SREBF2: variants seen among roughly 807,000 people sequenced by gnomAD.
SREBF2 encodes the protein sterol regulatory element-binding protein 2.
In SREBF2, 55 loss-of-function variants were observed where a neutral mutation model predicts 113.1. The ratio of observed to expected loss-of-function variants is 0.49; its 90% CI spans 0.39 to 0.61. The LOEUF is 0.61. Among genes scored for constraint, SREBF2 ranks in the 20% least tolerant of loss-of-function variants. The probability of loss-of-function intolerance (pLI) is 0.00; values close to 1 mark genes in which losing one functional copy is unlikely to be tolerated. For missense variants in SREBF2, 1,349 were observed against 1,487.4 expected (o/e 0.91, Z 1.53); for synonymous variants, 593 against 605.7 (o/e 0.98, Z 0.31).
chr22:41,860,797 G>T (rs997498824), intron 1 of SREBF2, among the ~76,000 whole-genome samples: 1 of 151,976 alleles, frequency 6.6e-6, no homozygotes, highest in African/African-American at 2.4e-5. Context: ...GAGGTGGGAG[G>T]ATTGCTTAAG....
intron 13 of SREBF2, 58 bp downstream of exon 13, chr22:41,894,995 G>A: frequency 7.0e-7 from 1 of 1,433,718 alleles, no homozygotes; most frequent in Non-Finnish European, 9.8e-7. Flanking sequence ...GCAACTCCAG[G>A]ACAGCCTGAA....
Position 41,906,166 on chromosome 22 carries a change from T to G in SREBF2, c.*506T>G, listed in dbSNP as rs1028158828. 5.4e-6 allele frequency: 2 copies of G among 369,656 alleles called. No individual in the cohort carries two copies. The highest frequency in any genetic ancestry group is 4.2e-5 in the African/African-American group (2 of 47,118). 22.9% of individuals were successfully genotyped at this position (369,656 alleles called of 1,614,324 possible). A position where few individuals can be genotyped will look rare whatever the true frequency, so the allele number is the denominator to read the frequency against. On this transcript the variant is annotated 3_prime_UTR_variant, in exon 19 of 19. Coordinates refer to ENST00000361204, the MANE Select transcript of SREBF2 (RefSeq NM_004599.4). ...GCGAGGCTGAGTTGCTGTAGCGTCTTGATTCTCTCCCTGGGTCTGCGTTCC... is the reference window on the plus strand; with the variant it reads ...GCGAGGCTGAGTTGCTGTAGCGTCTGGATTCTCTCCCTGGGTCTGCGTTCC...
At chr22:41,837,418 C>T (rs1037375757) in intron 1 of SREBF2, among the ~76,000 whole-genome samples, 23 of 151,708 alleles carry the variant, frequency 1.5e-4, no homozygotes, top group African/African-American at 5.3e-4. Context: ...ATTAGCCGGG[C>T]ATGGTGGTAC....
chr22:41,889,308 G>T (rs1468157844), intron 11 of SREBF2, among the ~76,000 whole-genome samples: 2 of 151,930 alleles, frequency 1.3e-5, no homozygotes, highest in Non-Finnish European at 2.9e-5. Flanking sequence ...TGTATTTTTT[G>T]TAAAGTCAGG....
At chr22:41,853,819 A>G (rs1282342042) in intron 1 of SREBF2, among the ~76,000 whole-genome samples, 1 of 152,096 alleles carries the variant, frequency 6.6e-6, no homozygotes, top group African/African-American at 2.4e-5. Context: ...GTGGATCACA[A>G]GGTCAGGAGA....
At chr22:41,880,594 C>A in intron 9 of SREBF2, 122 bp from the exon 10 acceptor site, 1 of 1,308,114 alleles carries the variant, frequency 7.6e-7, no homozygotes, top group Non-Finnish European at 1.1e-6. Context: ...TGAAGTTTCC[C>A]TCGTTTTTAT....
In SREBF2 at chr22:41,877,851, CTCTT is replaced by C. The variant is rs935336570; in HGVS notation, c.1580-88_1580-85del. 8.1e-6 allele frequency: 11 copies of C among 1,356,126 alleles called. No homozygotes were observed. In the African/African-American group the frequency reaches 1.1e-4, roughly 14 times the overall value. The allele number at this position is 1,356,126 out of a possible 1,614,324, so 84.0% of individuals were successfully genotyped here. ...TTTCTTCTGAAAATGAGGTAGAAGACTCTTTCCTGTGATAGTGCTGGGGTCTGTC... is the reference window on the plus strand; with the variant it reads ...TTTCTTCTGAAAATGAGGTAGAAGACTCCTGTGATAGTGCTGGGGTCTGTC... On this transcript the variant is annotated intron_variant, in intron 8 of 18. Coordinates refer to ENST00000361204, the MANE Select transcript of SREBF2 (RefSeq NM_004599.4).
intron 18 of SREBF2, 71 bp downstream of exon 18, chr22:41,905,045 C>T: frequency 1.5e-6 from 2 of 1,363,634 alleles, no homozygotes; most frequent in Non-Finnish European, 2.0e-6. Context: ...AGAAGAGGGG[C>T]CAGCCCAGCT....
chr22:41,850,695 G>A (rs2076919951), intron 1 of SREBF2, among the ~76,000 whole-genome samples: 1 of 152,018 alleles, frequency 6.6e-6, no homozygotes, highest in Non-Finnish European at 1.5e-5. Context: ...TTATGTAGGG[G>A]GCTTTGGCAA....
At position 41,868,586 on chromosome 22, in the gene SREBF2, G is replaced by A. The variant is rs1255785277; in HGVS notation, c.539-25G>A. On this transcript the variant is annotated intron_variant, in intron 2 of 18. Coordinates refer to ENST00000361204, the MANE Select transcript of SREBF2 (RefSeq NM_004599.4). ...GACAGAATGCATTCCTCATCTCTGT[G>A]CCTTCTTTCTCCTCTTCTCCCAAGT... 59 of 1,613,682 alleles carry A rather than the reference G, an allele frequency of 3.7e-5. No individual in the cohort carries two copies. In the East Asian group the frequency reaches 1.2e-3, roughly 34 times the overall value.
chr22:41,864,104 C>G (rs1341010820), intron 1 of SREBF2, among the ~76,000 whole-genome samples: 3 of 149,874 alleles, frequency 2.0e-5, no homozygotes, highest in Admixed American at 6.7e-5. Context: ...GTCTCGAACT[C>G]CTGACTTCAG....
At position 41,894,680 on chromosome 22, in the gene SREBF2, A is replaced by G. The variant is rs954667948; in HGVS notation, c.2378-140A>G. 8 of 794,104 alleles carry G rather than the reference A, an allele frequency of 1.0e-5. No individual in the cohort carries two copies. The South Asian group carries it at 1.1e-4, about 11-fold the overall frequency. 49.2% of individuals were successfully genotyped at this position (794,104 alleles called of 1,614,324 possible). ...CCCCCATCCTCCAACTGTTTAGCACAGTAGTTCTGGGCTTTGGTGGAGAAG... is the reference window on the plus strand; with the variant it reads ...CCCCCATCCTCCAACTGTTTAGCACGGTAGTTCTGGGCTTTGGTGGAGAAG... On this transcript the variant is annotated intron_variant, in intron 12 of 18. Transcript: ENST00000361204.
Position 41,833,233 on chromosome 22 carries a change from G to A in SREBF2, c.-38G>A, listed in dbSNP as rs1252877420. 6.7e-7 allele frequency: 1 copy of A among 1,496,650 alleles called. No individual in the cohort carries two copies. Among genetic ancestry groups the A allele is most frequent in the Admixed American group, 2.1e-5 (1 of 47,564 alleles). 92.7% of individuals were successfully genotyped at this position (1,496,650 alleles called of 1,614,324 possible). On this transcript the variant is annotated 5_prime_UTR_variant, in exon 1 of 19. Transcript: ENST00000361204. This position sits in a 1 kb window ranked among gnomAD's most constrained non-coding sequence, Gnocchi z 4.1. ...CGGCACCGCCCCCGCGTCTCCCTGAGCGGGACGGCAGGGGGGGCTTCTGCG... is the reference window on the plus strand; with the variant it reads ...CGGCACCGCCCCCGCGTCTCCCTGAACGGGACGGCAGGGGGGGCTTCTGCG...
chr22:41,859,239 C>T (rs1174080262), intron 1 of SREBF2, among the ~76,000 whole-genome samples: 4 of 152,016 alleles, frequency 2.6e-5, no homozygotes, highest in South Asian at 4.1e-4. Context: ...TGAAAAACAC[C>T]TGAGGTTTGC....
chr22:41,897,061 C>T lies in SREBF2; in HGVS notation c.2505C>T (p.Ser835=). 6.2e-7 allele frequency: 1 copy of T among 1,611,992 alleles called. No individual in the cohort carries two copies. Among genetic ancestry groups the T allele is most frequent in the Non-Finnish European group, 8.5e-7 (1 of 1,178,768 alleles). ...TTTCTTTTCTTCCTAGTGAATTCTC[C>T]AGTGCTCTGGAGTACTTGAAATTAC... is the stretch of plus-strand genomic sequence containing the variant. ...GDQEEESCEF[S]SALEYLKLLH... is the part of the protein sequence containing the mutation. Residue 835 remains serine, a synonymous_variant, in exon 14 of 19, where the codon TCC becomes TCT. Coordinates refer to ENST00000361204, the MANE Select transcript of SREBF2 (RefSeq NM_004599.4).
At chr22:41,898,605 G>A (rs773250486) in intron 14 of SREBF2, 44 bp from the exon 15 acceptor site, 19 of 1,612,934 alleles carry the variant, frequency 1.2e-5, no homozygotes, top group Middle Eastern at 1.7e-4. Context: ...CACAGGTCTC[G>A]TTTCTGTGGG....
At chr22:41,850,315 G>T (rs1258099241) in intron 1 of SREBF2, among the ~76,000 whole-genome samples, 2 of 151,918 alleles carry the variant, frequency 1.3e-5, no homozygotes, top group Non-Finnish European at 2.9e-5. Flanking sequence ...CAGGTGTGGT[G>T]GCGGGCACCT....
At chr22:41,883,910 A>G in intron 10 of SREBF2, among the ~76,000 whole-genome samples, 1 of 152,200 alleles carries the variant, frequency 6.6e-6, no homozygotes, top group East Asian at 1.9e-4. Flanking sequence ...ACAGTATGAA[A>G]GCCTCACGAG....
intron 7 of SREBF2, 65 bp downstream of exon 7, chr22:41,875,789 G>A: frequency 6.3e-7 from 1 of 1,587,648 alleles, no homozygotes; most frequent in East Asian, 2.2e-5. Flanking sequence ...AGATAGCTGG[G>A]AGGTCACAGT....
Sources: allele counts gnomAD v4.1 joint callset (sites outside exome capture counted in the v4.1 genomes callset), GRCh38; gene constraint gnomAD v4.1.1; non-coding constraint Gnocchi (gnomAD v3.1); transcripts MANE v1.5; gene names NCBI Gene and HGNC (gene_info 2026-07-23, HGNC 2026-07-21).